SLC71A1: variants seen among roughly 807,000 people sequenced by gnomAD.
SLC71A1 encodes solute carrier family 71 member 1.
the SLC71A1 span, chr1:100,081,855 A>T: frequency 1.5e-6 from 1 of 656,082 alleles, no homozygotes; most frequent in Non-Finnish European, 2.6e-6. Context: ...CTTTTCTCCT[A>T]AAAAGGGAAT....
chr1:100,076,896 A>C, the SLC71A1 span, among the ~76,000 whole-genome samples: 1 of 152,166 alleles, frequency 6.6e-6, no homozygotes, highest in Non-Finnish European at 1.5e-5. Flanking sequence ...TCCATTTTCA[A>C]CTACTGATTT....
the SLC71A1 span, among the ~76,000 whole-genome samples, chr1:100,045,439 A>C: frequency 6.6e-6 from 1 of 152,312 alleles, no homozygotes; most frequent in East Asian, 1.9e-4. Flanking sequence ...TATCATTGGC[A>C]AACAGTGGCA....
chr1:100,077,120 C>T, the SLC71A1 span: 1 of 950,428 alleles, frequency 1.1e-6, no homozygotes, highest in East Asian at 2.5e-5. Flanking sequence ...AAAGAAGTCA[C>T]TTTTTAAAAC....
chr1:100,066,595 G>C, the SLC71A1 span, among the ~76,000 whole-genome samples: 1 of 152,186 alleles, frequency 6.6e-6, no homozygotes, highest in Non-Finnish European at 1.5e-5. Context: ...GAAGCCAAAA[G>C]ATTAGACACC....
At chr1:100,063,655 G>A in the SLC71A1 span, among the ~76,000 whole-genome samples, 3 of 152,248 alleles carry the variant, frequency 2.0e-5, no homozygotes, top group East Asian at 5.8e-4. Context: ...AATTAGCCAG[G>A]TGTGGTGGTG....
the SLC71A1 span, among the ~76,000 whole-genome samples, chr1:100,081,117 A>G: frequency 6.6e-6 from 1 of 152,222 alleles, no homozygotes; most frequent in Non-Finnish European, 1.5e-5. Flanking sequence ...CTTATTTAGC[A>G]GAGTTCTGTA....
At chr1:100,054,059 T>C in the SLC71A1 span, among the ~76,000 whole-genome samples, 1 of 150,714 alleles carries the variant, frequency 6.6e-6, no homozygotes, top group Middle Eastern at 3.2e-3. Flanking sequence ...TTTTTTTCAT[T>C]GAGACGGAGT....
chr1:100,080,133 C>T, the SLC71A1 span: 35 of 159,614 alleles, frequency 2.2e-4, no homozygotes, highest in Middle Eastern at 0.018. Context: ...TAAAAGGGGT[C>T]TTAAGTACTT....
chr1:100,074,804 G>A, the SLC71A1 span, among the ~76,000 whole-genome samples: 1 of 152,270 alleles, frequency 6.6e-6, no homozygotes, highest in Admixed American at 6.5e-5. Flanking sequence ...GAACCCCGGA[G>A]GCAGAGGTGG....
At chr1:100,068,826 TACA>T in the SLC71A1 span, among the ~76,000 whole-genome samples, 8 of 151,908 alleles carry the variant, frequency 5.3e-5, no homozygotes, top group African/African-American at 1.9e-4. Context: ...TTACTAAAAA[TACA>T]ACAACTAGCC....
chr1:100,065,499 T>TC, the SLC71A1 span, among the ~76,000 whole-genome samples: 8 of 74,864 alleles, frequency 1.1e-4, no homozygotes, highest in South Asian at 3.1e-3. Context: ...TCCCCTCCCC[T>TC]CCCCTTTCCA....
At chr1:100,074,960 T>TCTAAG in the SLC71A1 span, among the ~76,000 whole-genome samples, 3 of 152,344 alleles carry the variant, frequency 2.0e-5, no homozygotes, top group South Asian at 6.2e-4. Context: ...AATAATGCAT[T>TCTAAG]CTAAGCCTTT....
the SLC71A1 span, among the ~76,000 whole-genome samples, chr1:100,056,726 A>G: frequency 3.3e-5 from 5 of 152,360 alleles, no homozygotes; most frequent in South Asian, 1.0e-3. Flanking sequence ...TTGCTGGATC[A>G]TATGGTAGCT....
chr1:100,078,561 G>C, the SLC71A1 span: 31 of 1,552,632 alleles, frequency 2.0e-5, 1 homozygote, highest in African/African-American at 1.5e-4. Flanking sequence ...GAGTTGATAG[G>C]AACTAGCGAT....
the SLC71A1 span, chr1:100,078,343 C>T: frequency 1.4e-6 from 1 of 709,000 alleles, no homozygotes; most frequent in Non-Finnish European, 2.4e-6. Context: ...GTTCAGTTCT[C>T]CTTTTCTCTA....
the SLC71A1 span, among the ~76,000 whole-genome samples, chr1:100,064,942 G>T: frequency 6.6e-6 from 1 of 152,096 alleles, no homozygotes; most frequent in South Asian, 2.1e-4. Flanking sequence ...CTGGAGTGCA[G>T]TGGTGCCGTT....
the SLC71A1 span, among the ~76,000 whole-genome samples, chr1:100,077,936 A>G: frequency 1.3e-5 from 2 of 152,188 alleles, no homozygotes; most frequent in Non-Finnish European, 2.9e-5. Flanking sequence ...TTGTTCTCCA[A>G]ACTAGCCTTT....
the SLC71A1 span, chr1:100,061,820 A>C: frequency 1.3e-6 from 2 of 1,483,064 alleles, no homozygotes; most frequent in Non-Finnish European, 1.9e-6. Context: ...ATTTCTTGTT[A>C]TCTTTCATTC....
chr1:100,052,651 C>T, the SLC71A1 span, among the ~76,000 whole-genome samples: 4 of 151,610 alleles, frequency 2.6e-5, no homozygotes, highest in East Asian at 5.8e-4. Flanking sequence ...AGAATGGTCT[C>T]GATCTCTTAA....
Sources: gnomAD v4.1 joint callset for allele counts (sites outside exome capture counted in the v4.1 genomes callset) on GRCh38, gnomAD v4.1.1 for gene constraint, MANE v1.5 for transcripts, NCBI Gene and HGNC (gene_info 2026-07-23, HGNC 2026-07-21) for gene names.